Variants in ETV5 observed in about 807,000 individuals in gnomAD.
The protein encoded by ETV5 is ETS variant transcription factor 5.
In ETV5, 10 loss-of-function variants were observed where a neutral mutation model predicts 70.0. The observed-to-expected ratio is 0.14, with a 90% CI of 0.09 to 0.24. The LOEUF (loss-of-function observed/expected upper bound fraction) is 0.24. ETV5 is among the 10% of genes least tolerant of loss of function. The pLI is 1.00. For synonymous variants in ETV5, 216 were observed against 242.2 expected, an observed-to-expected ratio of 0.89 and a Z score of 1.01; for missense variants, 453 against 651.2, an observed-to-expected ratio of 0.70 and a Z score of 3.31.
At position 186,074,170 on chromosome 3, in the gene ETV5, T is replaced by C. The variant is rs539618764; in HGVS notation, c.650+5647A>G. Among the ~76,000 whole-genome samples, 274 of 152,238 alleles carry C rather than the reference T, an allele frequency of 1.8e-3. 1 individual carries two copies. Among genetic ancestry groups the C allele is most frequent in the African/African-American group, 5.9e-3 (244 of 41,582 alleles). ...ATGAAAAAGACAACTACAGATGCTA[T>C]AGAGATTTTAGAAAGGGCACCATGA... On this transcript the variant is annotated intron_variant, in intron 7 of 12. Transcript: ENST00000306376.
At chr3:186,076,684 A>G (rs1375712623) in intron 7 of ETV5, 1 of 187,176 alleles carries the variant, frequency 5.3e-6, no homozygotes, top group Admixed American at 6.2e-5. Flanking sequence ...ACTGAGGACA[A>G]ATAAGGTACA....
intron 5 of ETV5, among the ~76,000 whole-genome samples, chr3:186,082,317 G>A (rs1713951070): frequency 6.6e-6 from 1 of 152,098 alleles, no homozygotes; most frequent in South Asian, 2.1e-4. Context: ...GTGGTCTGGT[G>A]ACCCAGTAAC....
intron 7 of ETV5, among the ~76,000 whole-genome samples, chr3:186,072,366 T>C (rs1435024988): frequency 1.4e-5 from 2 of 139,968 alleles, no homozygotes; most frequent in Admixed American, 1.4e-4. Flanking sequence ...AGTGAGACTC[T>C]ATCTCAAAAA....
At chr3:186,053,646 C>T (rs563803471) in intron 11 of ETV5, among the ~76,000 whole-genome samples, 9 of 152,228 alleles carry the variant, frequency 5.9e-5, no homozygotes, top group East Asian at 5.8e-4. Context: ...GTCCAATTTC[C>T]GTTCAGTTGC....
In ETV5 at chr3:186,105,800, A is replaced by T. The variant is rs113312493; in HGVS notation, c.45+24T>A. The T allele has an allele frequency of 6.2e-6, 10 of 1,612,860 alleles. No individual in the cohort carries two copies. The East Asian group carries it at 2.0e-4, about 32-fold the overall frequency. On this transcript the variant is annotated intron_variant, in intron 2 of 12. Coordinates refer to ENST00000306376, the MANE Select transcript of ETV5 (RefSeq NM_004454.3). The surrounding 1 kb of genome is among the most constrained non-coding windows in gnomAD (Gnocchi z 4.5). ...TCATATTGGAGAGGGAGGACAAAAC[A>T]AACCAAAAGCCACATAAACTTACCC...
intron 5 of ETV5, among the ~76,000 whole-genome samples, chr3:186,091,026 C>T (rs1385969460): frequency 6.6e-6 from 1 of 152,312 alleles, no homozygotes; most frequent in East Asian, 1.9e-4. Flanking sequence ...AGTGTGGAAT[C>T]AAGGCCCTCC....
chr3:186,076,495 A>C (rs900182347), intron 7 of ETV5: 2 of 182,924 alleles, frequency 1.1e-5, no homozygotes, highest in Non-Finnish European at 2.3e-5. Flanking sequence ...AGATCGGCAT[A>C]GTGTACTACA....
At chr3:186,068,301 G>A (rs1400262654) in intron 7 of ETV5, among the ~76,000 whole-genome samples, 4 of 152,198 alleles carry the variant, frequency 2.6e-5, no homozygotes, top group Non-Finnish European at 5.9e-5. Flanking sequence ...ATTAAGGAAG[G>A]TTGCTAAACA....
At chr3:186,103,554 G>GA (rs1469805670) in intron 5 of ETV5, among the ~76,000 whole-genome samples, 2 of 151,856 alleles carry the variant, frequency 1.3e-5, no homozygotes, top group Non-Finnish European at 2.9e-5. Flanking sequence ...GCAAGAACTG[G>GA]AAAGGCTGGG....
At chr3:186,090,829 G>A (rs2150152251) in intron 5 of ETV5, among the ~76,000 whole-genome samples, 2 of 152,342 alleles carry the variant, frequency 1.3e-5, no homozygotes, top group East Asian at 3.9e-4. Context: ...ACGAGAGGAA[G>A]CTGGAAATAG....
At chr3:186,050,097 T>G (rs2150140470) in intron 12 of ETV5, among the ~76,000 whole-genome samples, 1 of 152,332 alleles carries the variant, frequency 6.6e-6, no homozygotes, top group South Asian at 2.1e-4. Flanking sequence ...TTACACTGGA[T>G]GGCACATTAT....
intron 9 of ETV5, among the ~76,000 whole-genome samples, chr3:186,058,166 AAAG>A (rs1184420944): frequency 6.7e-6 from 1 of 148,552 alleles, no homozygotes. Flanking sequence ...AAACGAAATA[AAAG>A]AAGGCAAGGC....
In ETV5 at chr3:186,079,228, C is replaced by A. The variant is rs1578551659; in HGVS notation, c.650+589G>T. ...AGGTTCCCTTCACACACTTTTTTGA[C>A]AAATGAATGACTCTGGACAAGTTAC... On this transcript the variant is annotated intron_variant, in intron 7 of 12. Coordinates refer to ENST00000306376, the MANE Select transcript of ETV5 (RefSeq NM_004454.3). 3 of 343,616 alleles carry A rather than the reference C, an allele frequency of 8.7e-6. No homozygotes were observed. The East Asian group carries it at 1.8e-4, about 21-fold the overall frequency. 21.3% of individuals were successfully genotyped at this position (343,616 alleles called of 1,614,324 possible). A position where few individuals can be genotyped will look rare whatever the true frequency, so the allele number is the denominator to read the frequency against.
chr3:186,055,968 C>A (rs578187394), intron 11 of ETV5, among the ~76,000 whole-genome samples: 1 of 152,276 alleles, frequency 6.6e-6, no homozygotes, highest in African/African-American at 2.4e-5. Context: ...CTAAAAGAAG[C>A]GTATGTCAGT....
At chr3:186,076,879 A>G (rs1713806241) in intron 7 of ETV5, among the ~76,000 whole-genome samples, 2 of 152,232 alleles carry the variant, frequency 1.3e-5, no homozygotes, top group African/African-American at 4.8e-5. Context: ...GATAGATAGA[A>G]CTTAAAAGTA....
intron 5 of ETV5, among the ~76,000 whole-genome samples, chr3:186,087,420 C>A (rs1397407780): frequency 6.6e-6 from 1 of 152,118 alleles, no homozygotes; most frequent in Non-Finnish European, 1.5e-5. Flanking sequence ...AATGCTTATA[C>A]CGTTTGTAAG....
intron 7 of ETV5, among the ~76,000 whole-genome samples, chr3:186,074,113 A>G (rs911114293): frequency 1.3e-4 from 20 of 151,206 alleles, no homozygotes; most frequent in African/African-American, 4.1e-4. Flanking sequence ...AAGACTAAGG[A>G]AAAAAAAAGG....
At chr3:186,095,328 A>T (rs1714279262) in intron 5 of ETV5, 1 of 152,226 alleles carries the variant, frequency 6.6e-6, no homozygotes, top group African/African-American at 2.4e-5. Context: ...AAGGAAAAAA[A>T]ATTGCAAAAC....
At chr3:186,049,259 T>C (rs1712963687) in intron 12 of ETV5, among the ~76,000 whole-genome samples, 1 of 152,208 alleles carries the variant, frequency 6.6e-6, no homozygotes, top group Non-Finnish European at 1.5e-5. Context: ...CTTCACAGTA[T>C]GGCCTTGTTA....
Sources: allele counts gnomAD v4.1 joint callset (sites outside exome capture counted in the v4.1 genomes callset), GRCh38; gene constraint gnomAD v4.1.1; non-coding constraint Gnocchi (gnomAD v3.1); transcripts MANE v1.5; gene names NCBI Gene and HGNC (gene_info 2026-07-23, HGNC 2026-07-21).